Variants in CASP5 observed in about 807,000 individuals in gnomAD.
The protein encoded by CASP5 is caspase 5.
A neutral mutation model predicts 45.2 loss-of-function variants in CASP5; 42 were observed. The observed-to-expected ratio is 0.93, with a 90% CI of 0.73 to 1.20. The LOEUF is 1.20. CASP5 is among the 50% of genes most tolerant of loss of function. The pLI, the probability that CASP5 is intolerant of heterozygous loss-of-function variation, is 0.00. For synonymous variants in CASP5, 209 were observed against 186.2 expected, an observed-to-expected ratio of 1.12 and a Z score of -1.00; for missense variants, 512 against 532.2, an observed-to-expected ratio of 0.96 and a Z score of 0.37.
chr11:105,016,792 G>A (rs1235530432), intron 1 of CASP5, among the ~76,000 whole-genome samples: 1 of 149,798 alleles, frequency 6.7e-6, no homozygotes, highest in Non-Finnish European at 1.5e-5. Context: ...CTCGAACTGG[G>A]TGGAGCCCAC....
At chr11:104,994,478 C>G (rs1861368868) in intron 9 of CASP5, 131 bp from the exon 10 acceptor site, 1 of 152,160 alleles carries the variant, frequency 6.6e-6, no homozygotes, top group Non-Finnish European at 1.5e-5. Flanking sequence ...CATCTGTGAC[C>G]TCTGTGTCTA....
intron 1 of CASP5, among the ~76,000 whole-genome samples, chr11:105,018,476 G>A (rs12787192): frequency 0.14 from 21,165 of 148,560 alleles, 1,635 homozygotes; most frequent in Admixed American, 0.23. Flanking sequence ...CAAGCAAATG[G>A]AAAACAAAAA....
chr11:105,009,773 A>ATATATATACACACACACACG (rs1862208960), intron 1 of CASP5, among the ~76,000 whole-genome samples: 1 of 57,392 alleles, frequency 1.7e-5, no homozygotes, highest in Admixed American at 1.8e-4. Context: ...ACACACACGT[A>ATATATATACACACACACACG]TATATATATA....
At chr11:104,997,012 T>C (rs1861498287) in intron 8 of CASP5, among the ~76,000 whole-genome samples, 1 of 152,194 alleles carries the variant, frequency 6.6e-6, no homozygotes, top group Admixed American at 6.6e-5. Flanking sequence ...CTAGATAGTC[T>C]TAAGCCATGC....
chr11:105,008,316 T>A (rs1862106971), intron 2 of CASP5, among the ~76,000 whole-genome samples: 1 of 151,892 alleles, frequency 6.6e-6, no homozygotes, highest in Admixed American at 6.6e-5. Context: ...GCTAAATGAG[T>A]CTGGAGCTCA....
chr11:105,009,760 C>CAT (rs1292918730), intron 1 of CASP5, among the ~76,000 whole-genome samples: 2 of 48,250 alleles, frequency 4.1e-5, no homozygotes, highest in African/African-American at 7.3e-5. Flanking sequence ...TATATATATA[C>CAT]ACACACACAC....
intron 4 of CASP5, among the ~76,000 whole-genome samples, chr11:105,002,963 C>G (rs1477148327): frequency 1.3e-5 from 2 of 151,820 alleles, no homozygotes. Context: ...TTTGGGAGGC[C>G]AAGGCTGTGG....
chr11:105,000,786 CT>C (rs200373522), intron 5 of CASP5, among the ~76,000 whole-genome samples: 1 of 151,672 alleles, frequency 6.6e-6, no homozygotes, highest in East Asian at 1.9e-4. Context: ...TTATCTCAAT[CT>C]TTTCTCTCCT....
At chr11:105,013,702 A>G (rs1445872080) in intron 1 of CASP5, among the ~76,000 whole-genome samples, 1 of 152,136 alleles carries the variant, frequency 6.6e-6, no homozygotes, top group East Asian at 1.9e-4. Context: ...GGAAACCCAT[A>G]CGTCCAAAAA....
chr11:104,994,775 G>C (rs1049196335), intron 9 of CASP5, among the ~76,000 whole-genome samples: 1 of 152,178 alleles, frequency 6.6e-6, no homozygotes, highest in Non-Finnish European at 1.5e-5. Flanking sequence ...TGTATTCTGT[G>C]CTGGAACACC....
intron 4 of CASP5, 90 bp from the exon 5 acceptor site, chr11:105,002,291 T>C (rs1457754100): frequency 2.9e-6 from 3 of 1,032,730 alleles, no homozygotes; most frequent in Non-Finnish European, 4.4e-6. Context: ...TAAGACCTCA[T>C]GCAGCTGCCA....
At chr11:104,999,339 A>G (rs1321407461) in intron 6 of CASP5, among the ~76,000 whole-genome samples, 1 of 152,088 alleles carries the variant, frequency 6.6e-6, no homozygotes, top group Non-Finnish European at 1.5e-5. Context: ...TTTGCTGAGG[A>G]TGATAGCTTC....
chr11:105,009,708 TATATATACACAC>T (rs1267702381), intron 1 of CASP5, among the ~76,000 whole-genome samples: 4 of 70,258 alleles, frequency 5.7e-5, no homozygotes, highest in African/African-American at 2.4e-4. Flanking sequence ...CCAGGAGATA[TATATATACACAC>T]ATATATATAT....
At chr11:104,995,717 C>G in intron 9 of CASP5, 23 bp downstream of exon 9, 1 of 1,474,294 alleles carries the variant, frequency 6.8e-7, no homozygotes, top group Non-Finnish European at 9.5e-7. Flanking sequence ...TTATTTCACC[C>G]TCCAACAACT....
chr11:105,021,683 A>G (rs1480728155), intron 1 of CASP5, among the ~76,000 whole-genome samples: 26 of 147,758 alleles, frequency 1.8e-4, no homozygotes, highest in African/African-American at 5.2e-4. Context: ...AGGATGTGGA[A>G]AAATAGGAAC....
Position 104,999,040 on chromosome 11 carries a change from T to C in CASP5, c.953-12A>G. The stretch of plus-strand genomic sequence containing the variant: ...TTCCCCATGTTTTTCTGTAGAGACA[T>C]CAACTTTCTTTTTTTTTTATGTTAC... On this transcript the variant is annotated splice_polypyrimidine_tract_variant and intron_variant, in intron 6 of 9. Transcript: ENST00000260315. 6.4e-7 allele frequency: 1 copy of C among 1,573,814 alleles called. No homozygotes were observed. The highest frequency in any genetic ancestry group is 1.2e-5 in the South Asian group (1 of 84,322).
intron 7 of CASP5, among the ~76,000 whole-genome samples, chr11:104,998,588 T>C (rs1045996479): frequency 3.3e-5 from 5 of 152,216 alleles, no homozygotes; most frequent in Non-Finnish European, 7.3e-5. Context: ...GCATCCATCA[T>C]CTATGTTTAC....
intron 3 of CASP5, among the ~76,000 whole-genome samples, chr11:105,003,724 A>C (rs530220615): frequency 6.6e-6 from 1 of 152,180 alleles, no homozygotes; most frequent in East Asian, 1.9e-4. Flanking sequence ...TCATTCATTT[A>C]TTTGGACTTT....
chr11:105,009,197 GT>G, intron 1 of CASP5: 1 of 584,004 alleles, frequency 1.7e-6, no homozygotes, highest in Non-Finnish European at 3.1e-6. Context: ...ACTTAAGTTT[GT>G]TTTTTATAGC....
Sources: allele counts gnomAD v4.1 joint callset (sites outside exome capture counted in the v4.1 genomes callset), GRCh38; gene constraint gnomAD v4.1.1; transcripts MANE v1.5; gene names NCBI Gene and HGNC (gene_info 2026-07-23, HGNC 2026-07-21).